The following ZMYND12 variants were observed in gnomAD, a reference collection of about 807,000 sequenced individuals.
ZMYND12 encodes zinc finger MYND-type containing 12.
Under a neutral mutation model 41.7 loss-of-function variants are expected in ZMYND12, and 32 were observed. That is an observed-to-expected ratio of 0.77 (90% CI 0.58 to 1.03). The LOEUF is 1.03. Among genes scored for constraint, ZMYND12 ranks in the 50% least tolerant of loss-of-function variants. The pLI is 0.00. For synonymous variants in ZMYND12, 148 were observed against 164.8 expected (o/e 0.90, Z 0.78); for missense variants, 424 against 438.5 (o/e 0.97, Z 0.30).
intron 3 of ZMYND12, among the ~76,000 whole-genome samples, chr1:42,447,065 G>T (rs1021761327): frequency 1.3e-5 from 2 of 152,146 alleles, no homozygotes; most frequent in Non-Finnish European, 2.9e-5. Context: ...ATTCGATGAG[G>T]AATGGGATAT....
intron 3 of ZMYND12, among the ~76,000 whole-genome samples, chr1:42,440,716 C>T (rs377175354): frequency 2.2e-4 from 34 of 152,228 alleles, no homozygotes; most frequent in African/African-American, 8.2e-4. Flanking sequence ...GTTGCCCAGA[C>T]TGGAGTGTAG....
At chr1:42,434,919 C>T (rs1642890337) in intron 6 of ZMYND12, among the ~76,000 whole-genome samples, 1 of 152,068 alleles carries the variant, frequency 6.6e-6, no homozygotes, top group Non-Finnish European at 1.5e-5. Context: ...AATTGTCTTC[C>T]ATGAAACGGG....
intron 1 of ZMYND12, among the ~76,000 whole-genome samples, chr1:42,453,265 C>T (rs961085002): frequency 3.3e-5 from 5 of 151,870 alleles, no homozygotes; most frequent in South Asian, 2.1e-4. Context: ...GAAAAAAAAT[C>T]GAAGATAAGG....
intron 5 of ZMYND12, 154 bp from the exon 6 acceptor site, chr1:42,435,539 C>A: frequency 1.7e-6 from 1 of 590,272 alleles, no homozygotes; most frequent in Non-Finnish European, 3.0e-6. Context: ...CCTAGGAGCC[C>A]AAACAGGCCT....
At position 42,455,886 on chromosome 1, in the gene ZMYND12, A is replaced by C. The variant is rs767968781; in HGVS notation, c.110+2T>G. 1 of 1,607,376 alleles carries C rather than the reference A, an allele frequency of 6.2e-7. No homozygotes were observed. The highest frequency in any genetic ancestry group is 1.3e-5 in the African/African-American group (1 of 74,808). On this transcript the variant is annotated splice_donor_variant, in intron 1 of 7. Transcript: ENST00000372565. LOFTEE classifies it high-confidence loss of function. ...GCCCAGGTGCCACGTTTCAGGGCCTACCAGTAATAAGTGACTGTGCAGGCC... is the reference window on the plus strand; with the variant it reads ...GCCCAGGTGCCACGTTTCAGGGCCTCCCAGTAATAAGTGACTGTGCAGGCC...
chr1:42,441,909 C>A (rs1044508060), intron 3 of ZMYND12, among the ~76,000 whole-genome samples: 1 of 152,158 alleles, frequency 6.6e-6, no homozygotes, highest in African/African-American at 2.4e-5. Flanking sequence ...CGTGAGCCAC[C>A]GCACCCGGCC....
rs933297012 is a variant in ZMYND12, at chr1:42,450,756, C to A, written c.111-697G>T. 1.2e-4 allele frequency among the ~76,000 whole-genome samples: 19 copies of A among 152,232 alleles called. No homozygotes were observed. In the South Asian group the frequency reaches 3.9e-3, roughly 32 times the overall value. ...TTCATACAGTAACCTCTGAGTACTGCTTTGCCAGCATCTAAGTTTTAGTAT... is the reference window on the plus strand; with the variant it reads ...TTCATACAGTAACCTCTGAGTACTGATTTGCCAGCATCTAAGTTTTAGTAT... On this transcript the variant is annotated intron_variant, in intron 1 of 7. Transcript: ENST00000372565.
intron 4 of ZMYND12, among the ~76,000 whole-genome samples, chr1:42,437,857 A>G (rs1354043556): frequency 1.3e-5 from 2 of 151,954 alleles, no homozygotes; most frequent in African/African-American, 2.4e-5. Context: ...AATTTTGTAT[A>G]TTTAGACGGG....
intron 5 of ZMYND12, 79 bp from the exon 6 acceptor site, chr1:42,435,464 A>G (rs758014626): frequency 2.7e-6 from 3 of 1,112,714 alleles, no homozygotes; most frequent in Non-Finnish European, 4.1e-6. Flanking sequence ...AGAGTAGCGC[A>G]TTTGGCCGGG....
chr1:42,441,193 G>A (rs895722010), intron 3 of ZMYND12, among the ~76,000 whole-genome samples: 3 of 152,210 alleles, frequency 2.0e-5, no homozygotes, highest in Non-Finnish European at 4.4e-5. Flanking sequence ...CTATAGATGA[G>A]ATGGAGAGGG....
rs762628490 is a variant in ZMYND12 at position 42,430,759 on chromosome 1, T to C, written c.1075A>G (p.Thr359Ala). 5 of 1,614,006 alleles carry C rather than the reference T, an allele frequency of 3.1e-6. No homozygotes were observed. The Admixed American group carries it at 5.0e-5, about 16-fold the overall frequency. Residue 359 changes from threonine to alanine, a missense_variant, in exon 8 of 8, where the codon ACT becomes GCT. Physicochemically the swap from Thr to Ala is moderately conservative, Grantham distance 58. Transcript: ENST00000372565. ...CACTAAGTAATGGGATGGTCTTCAG[T>C]TGAAATGAGACTTAATAACTCTTGA... is the stretch of plus-strand genomic sequence containing the variant. ...TIQELLSLIS[T>A]EDHPIT
chr1:42,448,690 G>A, intron 2 of ZMYND12, 52 bp from the exon 3 acceptor site: 1 of 1,528,672 alleles, frequency 6.5e-7, no homozygotes, highest in Middle Eastern at 1.7e-4. Flanking sequence ...TAAAGGCAAA[G>A]GTGGATGTAG....
chr1:42,452,108 A>G (rs1050786126), intron 1 of ZMYND12, among the ~76,000 whole-genome samples: 4 of 152,134 alleles, frequency 2.6e-5, no homozygotes, highest in Non-Finnish European at 5.9e-5. Context: ...TCATTCTACA[A>G]TTCACCACTG....
At chr1:42,444,921 C>T (rs1343589555) in intron 3 of ZMYND12, among the ~76,000 whole-genome samples, 2 of 150,882 alleles carry the variant, frequency 1.3e-5, no homozygotes, top group African/African-American at 4.9e-5. Flanking sequence ...CATTCTCCTG[C>T]TCCAGCCTCC....
Position 42,450,021 on chromosome 1 carries a change from T to C in ZMYND12, c.149A>G (p.His50Arg), listed in dbSNP as rs904998645. The C allele has an allele frequency of 9.3e-6, 15 of 1,613,884 alleles. No individual in the cohort carries two copies. In the African/African-American group the frequency reaches 9.3e-5, roughly 10 times the overall value. ...AATCAAGAGCTGACATATTTTCTCATGGATGCTGTCCCAGTCAGCCTTCTG... is the reference window on the plus strand; with the variant it reads ...AATCAAGAGCTGACATATTTTCTCACGGATGCTGTCCCAGTCAGCCTTCTG... ...VHQKADWDSI[H>R]EKICQLLIPL... The change falls in exon 2 of 8, where the codon CAT becomes CGT. Residue 50 changes from histidine (H) to arginine (R), a missense_variant. Coordinates refer to ENST00000372565, the MANE Select transcript of ZMYND12 (RefSeq NM_032257.5).
intron 4 of ZMYND12, among the ~76,000 whole-genome samples, chr1:42,437,919 G>A (rs576846734): frequency 1.6e-4 from 25 of 152,180 alleles, no homozygotes; most frequent in East Asian, 1.9e-4. Context: ...CTGGTGATCC[G>A]CCCATCTCGG....
intron 1 of ZMYND12, among the ~76,000 whole-genome samples, chr1:42,451,209 G>T (rs947856939): frequency 6.6e-6 from 1 of 152,098 alleles, no homozygotes; most frequent in Non-Finnish European, 1.5e-5. Context: ...ATTACTGAGA[G>T]TGGGATACTG....
chr1:42,441,609 A>ATGTATTGTTT (rs957189064), intron 3 of ZMYND12, among the ~76,000 whole-genome samples: 1 of 129,784 alleles, frequency 7.7e-6, no homozygotes, highest in Non-Finnish European at 1.7e-5. Flanking sequence ...AAGTAACATC[A>ATGTATTGTTT]TGTATTGTTT....
chr1:42,437,220 A>G (rs1299918592), intron 4 of ZMYND12, among the ~76,000 whole-genome samples: 1 of 152,164 alleles, frequency 6.6e-6, no homozygotes, highest in Non-Finnish European at 1.5e-5. Flanking sequence ...GTCTGTATGA[A>G]CTGTCCTGAG....
Sources: allele counts gnomAD v4.1 joint callset (sites outside exome capture counted in the v4.1 genomes callset), GRCh38; gene constraint gnomAD v4.1.1; transcripts MANE v1.5; gene names NCBI Gene and HGNC (gene_info 2026-07-23, HGNC 2026-07-21).